Variants in PIK3C2G observed in about 807,000 individuals in gnomAD.
The protein encoded by PIK3C2G is phosphatidylinositol 3-kinase C2 domain-containing subunit gamma.
A neutral mutation model predicts 181.1 loss-of-function variants in PIK3C2G; 168 were observed. The ratio of observed to expected loss-of-function variants is 0.93; its 90% CI spans 0.82 to 1.05. The LOEUF is 1.05. Among genes scored for constraint, PIK3C2G ranks in the 50% least tolerant of loss-of-function variants. PIK3C2G has a pLI of 0.00. For missense variants in PIK3C2G, 1,869 were observed against 1,732.8 expected, an observed-to-expected ratio of 1.08 and a Z score of -1.40; for synonymous variants, 573 against 592.2, an observed-to-expected ratio of 0.97 and a Z score of 0.47.
chr12:18,649,926 C>G (rs1950344609), downstream of PIK3C2G, among the ~76,000 whole-genome samples: 1 of 152,020 alleles, frequency 6.6e-6, no homozygotes, highest in African/African-American at 2.4e-5. Context: ...TCCTCTCCAC[C>G]ACCTCCAGTG....
intron 31 of PIK3C2G, among the ~76,000 whole-genome samples, chr12:18,616,842 G>C (rs1444828343): frequency 6.6e-6 from 1 of 152,014 alleles, no homozygotes; most frequent in Non-Finnish European, 1.5e-5. Flanking sequence ...TTTTAAAAGA[G>C]TCATTTCATT....
At chr12:18,576,315 C>T (rs1408860196) in intron 29 of PIK3C2G, among the ~76,000 whole-genome samples, 2 of 152,146 alleles carry the variant, frequency 1.3e-5, no homozygotes, top group African/African-American at 4.8e-5. Context: ...GCACTGGTTG[C>T]CTAGTGCCAT....
chr12:18,610,124 T>C (rs913322254), intron 31 of PIK3C2G, among the ~76,000 whole-genome samples: 1 of 152,036 alleles, frequency 6.6e-6, no homozygotes, highest in Non-Finnish European at 1.5e-5. Context: ...GAGGCAATGA[T>C]GGTAACTGGG....
chr12:18,281,523 T>TA (rs1949217910), intron 1 of PIK3C2G, among the ~76,000 whole-genome samples: 1 of 150,830 alleles, frequency 6.6e-6, no homozygotes, highest in Admixed American at 6.6e-5. Flanking sequence ...TCGAGTTTTT[T>TA]GGGGGAAAAA....
chr12:18,416,333 T>C (rs1309580885), intron 16 of PIK3C2G, among the ~76,000 whole-genome samples: 6 of 152,146 alleles, frequency 3.9e-5, no homozygotes, highest in Non-Finnish European at 1.5e-5. Context: ...AAAGTGCTGA[T>C]GTAGAAGCTG....
In PIK3C2G at chr12:18,497,601, T is replaced by A. The variant is rs557177215; in HGVS notation, c.2887-18T>A. The A allele has an allele frequency of 2.5e-6, 4 of 1,603,170 alleles. No homozygotes were observed. In the African/African-American group the frequency reaches 4.0e-5, roughly 16 times the overall value. ...AATTCAAGGAAAAACCCAGGGTCTA[T>A]AATTTTGTTTTTAACAGGCTGGAGA... On this transcript the variant is annotated intron_variant, in intron 21 of 32. Transcript: ENST00000538779.
intron 8 of PIK3C2G, among the ~76,000 whole-genome samples, chr12:18,337,267 G>T (rs1938621517): frequency 6.6e-6 from 1 of 152,062 alleles, no homozygotes; most frequent in African/African-American, 2.4e-5. Flanking sequence ...AAACAGAGAA[G>T]ATTTTTTAAA....
the PIK3C2G span, among the ~76,000 whole-genome samples, chr12:18,666,574 A>C: frequency 6.6e-6 from 1 of 152,214 alleles, no homozygotes; most frequent in Non-Finnish European, 1.5e-5. Flanking sequence ...TGTGAAGCAA[A>C]AACTGACAGA....
At chr12:18,266,884 A>G (rs1948524820) in intron 1 of PIK3C2G, among the ~76,000 whole-genome samples, 1 of 149,996 alleles carries the variant, frequency 6.7e-6, no homozygotes, top group Non-Finnish European at 1.5e-5. Flanking sequence ...TGTTGGGTAA[A>G]TGCTTCATTT....
Position 18,346,850 on chromosome 12 carries a change from AG to A in PIK3C2G, c.1625+15del. On this transcript the variant is annotated intron_variant, in intron 11 of 32. Coordinates refer to ENST00000538779, the MANE Select transcript of PIK3C2G (RefSeq NM_001288772.2). ...CTGGGTGCACAGGTGAGTGGTGGTGAGTTTTTCACAAAAGCATTCATTTTTA... is the reference window on the plus strand; with the variant it reads ...CTGGGTGCACAGGTGAGTGGTGGTGATTTTTCACAAAAGCATTCATTTTTA... 1 of 1,554,740 alleles carries A rather than the reference AG, an allele frequency of 6.4e-7. No homozygotes were observed. The highest frequency in any genetic ancestry group is 8.8e-7 in the Non-Finnish European group (1 of 1,140,022).
intron 8 of PIK3C2G, among the ~76,000 whole-genome samples, chr12:18,330,810 GA>G (rs1389735120): frequency 6.6e-6 from 1 of 152,120 alleles, no homozygotes; most frequent in Admixed American, 6.6e-5. Flanking sequence ...CATATGTATT[GA>G]AAACTTTGTC....
chr12:18,626,349 T>C (rs1337084752), intron 31 of PIK3C2G, among the ~76,000 whole-genome samples: 2 of 152,022 alleles, frequency 1.3e-5, no homozygotes, highest in Non-Finnish European at 2.9e-5. Context: ...TGTCTGAATA[T>C]ATATTATTTT....
chr12:18,617,955 C>A (rs1948679539), intron 31 of PIK3C2G, among the ~76,000 whole-genome samples: 1 of 152,130 alleles, frequency 6.6e-6, no homozygotes. Context: ...AAGACCACCA[C>A]AGCCCATCCC....
the PIK3C2G span, among the ~76,000 whole-genome samples, chr12:18,711,524 TAAA>T: frequency 7.9e-5 from 9 of 113,354 alleles, no homozygotes; most frequent in African/African-American, 3.6e-4. Context: ...CCCTAAAACT[TAAA>T]GTATAATAAT....
chr12:18,395,091 C>T (rs1243353469), intron 15 of PIK3C2G, among the ~76,000 whole-genome samples: 1 of 147,472 alleles, frequency 6.8e-6, no homozygotes, highest in Non-Finnish European at 1.5e-5. Flanking sequence ...TTCCTTCTTT[C>T]TTTCTTTCTT....
chr12:18,378,314 TC>T lies in PIK3C2G; in HGVS notation c.1881-3443del, dbSNP rs780076946. Reference sequence around the variant, plus strand: ...ATGTATCACACTCTTCCTCATGAGTTCCCCCCCCCGTAACTAATGAGAAGAA... The same window carrying T: ...ATGTATCACACTCTTCCTCATGAGTTCCCCCCCCGTAACTAATGAGAAGAA... On this transcript the variant is annotated intron_variant, in intron 13 of 32. Coordinates refer to ENST00000538779, the MANE Select transcript of PIK3C2G (RefSeq NM_001288772.2). Among the ~76,000 whole-genome samples, 418 of 144,106 alleles carry T rather than the reference TC, an allele frequency of 2.9e-3. 1 individual carries two copies. The highest frequency in any genetic ancestry group is 6.0e-3 in the East Asian group (29 of 4,832). 94.5% of individuals were successfully genotyped at this position (144,106 alleles called of 152,430 possible).
intron 29 of PIK3C2G, among the ~76,000 whole-genome samples, chr12:18,587,230 T>C (rs2136454166): frequency 6.6e-6 from 1 of 152,090 alleles, no homozygotes; most frequent in Non-Finnish European, 1.5e-5. Flanking sequence ...GAGAAATAAA[T>C]AAAGGGCATC....
At chr12:18,362,050 C>G (rs536266230) in intron 11 of PIK3C2G, among the ~76,000 whole-genome samples, 1 of 151,982 alleles carries the variant, frequency 6.6e-6, no homozygotes. Context: ...ACAGACAAGA[C>G]AGAAACTAGT....
At chr12:18,562,093 A>AT (rs954611735) in intron 26 of PIK3C2G, among the ~76,000 whole-genome samples, 2 of 152,168 alleles carry the variant, frequency 1.3e-5, no homozygotes, top group Non-Finnish European at 2.9e-5. Flanking sequence ...CTGGAATTAA[A>AT]TTTTTTAAAA....
Sources: gnomAD v4.1 joint callset for allele counts (sites outside exome capture counted in the v4.1 genomes callset) on GRCh38, gnomAD v4.1.1 for gene constraint, MANE v1.5 for transcripts, NCBI Gene and HGNC (gene_info 2026-07-23, HGNC 2026-07-21) for gene names.